EDN3: variants seen among roughly 807,000 people sequenced by gnomAD.
EDN3 encodes endothelin 3.
EDN3 carries 9 observed loss-of-function variants against 21.4 expected under a neutral mutation model. That is an observed-to-expected ratio of 0.42 (90% CI 0.25 to 0.73). The LOEUF (loss-of-function observed/expected upper bound fraction) is 0.73, where lower values mean the gene tolerates loss of function less well. Ranked by LOEUF, EDN3 falls within the 30% of genes least tolerant of loss-of-function variation. The pLI is 0.26. For missense variants in EDN3, 327 were observed against 309.4 expected, an observed-to-expected ratio of 1.06 and a Z score of -0.43; for synonymous variants, 133 against 126.2, an observed-to-expected ratio of 1.05 and a Z score of -0.36.
Position 59,301,618 on chromosome 20 carries a change from G to T in EDN3, c.261G>T (p.Gly87=). 6.2e-7 allele frequency: 1 copy of T among 1,614,100 alleles called. No homozygotes were observed. Among genetic ancestry groups the T allele is most frequent in the South Asian group, 1.1e-5 (1 of 91,072 alleles). Residue 87 remains glycine (G), a synonymous_variant, in exon 2 of 5, where the codon GGG becomes GGT. Transcript: ENST00000337938. ...CTGGGCAGGAGCAGGCGGCCGAGGG[G>T]GCCCCTGAGCACCACCGATCCAGGC... ...GSPGQEQAAE[G]APEHHRSRRC... is the part of the protein sequence containing the mutation.
chr20:59,316,369 A>G (rs1297629165), intron 2 of EDN3, among the ~76,000 whole-genome samples: 3 of 152,192 alleles, frequency 2.0e-5, no homozygotes, highest in Non-Finnish European at 4.4e-5. Flanking sequence ...GTTGGCAAAT[A>G]TTTGTTGAAT....
At chr20:59,319,742 AG>A (rs1990408397) in intron 2 of EDN3, among the ~76,000 whole-genome samples, 1 of 150,810 alleles carries the variant, frequency 6.6e-6, no homozygotes, top group African/African-American at 2.5e-5. Context: ...AAAAAAAAAA[AG>A]AAAAAAAAGA....
Position 59,305,604 on chromosome 20 carries a change from G to GAT in EDN3, c.365+3891_365+3892dup. Among the ~76,000 whole-genome samples the GAT allele has an allele frequency of 6.6e-6, 1 of 152,308 alleles. No individual in the cohort carries two copies. The highest frequency in any genetic ancestry group is 2.4e-5 in the African/African-American group (1 of 41,562). ...AAGTTATGGGCAATGTCCCTCCAGA[G>GAT]ATATATATATGGAGAGAGACAAAGA... On this transcript the variant is annotated intron_variant, in intron 2 of 4. Transcript: ENST00000337938. This position sits in a 1 kb window ranked among gnomAD's most constrained non-coding sequence, Gnocchi z 4.2.
chr20:59,301,682 T>A lies in EDN3; in HGVS notation c.325T>A (p.Tyr109Asn), dbSNP rs1163371709. The A allele has an allele frequency of 6.2e-7, 1 of 1,614,208 alleles. No homozygotes were observed. Residue 109 changes from tyrosine to asparagine, a missense_variant, in exon 2 of 5, where the codon TAC becomes AAC. Tyr to Asn is a moderately radical substitution (Grantham distance 143). Coordinates refer to ENST00000337938, the MANE Select transcript of EDN3 (RefSeq NM_207034.3). ...CACCTACAAGGACAAGGAGTGTGTC[T>A]ACTATTGCCACCTGGACATCATTTG... Reference protein sequence around the residue: ...CFTYKDKECVYYCHLDIIWIN... With the variant: ...CFTYKDKECVNYCHLDIIWIN...
chr20:59,316,299 T>G (rs1255767327), intron 2 of EDN3, among the ~76,000 whole-genome samples: 3 of 152,236 alleles, frequency 2.0e-5, no homozygotes, highest in African/African-American at 7.2e-5. Flanking sequence ...CCCCGCCCCT[T>G]GTCTGTCTTT....
At chr20:59,307,662 C>T (rs1349912541) in intron 2 of EDN3, among the ~76,000 whole-genome samples, 2 of 152,118 alleles carry the variant, frequency 1.3e-5, no homozygotes, top group Admixed American at 6.5e-5. Flanking sequence ...GGTTCCCCAT[C>T]CGTGACTGAT....
rs1443642795 is a variant in EDN3 at position 59,300,697 on chromosome 20, C to A, written c.-116C>A. 1 of 1,052,146 alleles carries A rather than the reference C, an allele frequency of 9.5e-7. No homozygotes were observed. Among genetic ancestry groups the A allele is most frequent in the Non-Finnish European group, 1.4e-6 (1 of 722,090 alleles). 65.2% of individuals were successfully genotyped at this position (1,052,146 alleles called of 1,614,324 possible). A position where few individuals can be genotyped will look rare whatever the true frequency, so the allele number is the denominator to read the frequency against. ...GCTGGAGACGCAGCGAGCGATCGGC[C>A]GGCCTCGAACCCCCACAGCTGGAGG... On this transcript the variant is annotated 5_prime_UTR_variant, in exon 1 of 5. Coordinates refer to ENST00000337938, the MANE Select transcript of EDN3 (RefSeq NM_207034.3).
At chr20:59,320,670 C>T (rs180950264) in intron 2 of EDN3, among the ~76,000 whole-genome samples, 1 of 152,220 alleles carries the variant, frequency 6.6e-6, no homozygotes, top group Non-Finnish European at 1.5e-5. Flanking sequence ...GCGTTCAGGC[C>T]ACACCTGCAG....
In EDN3 at chr20:59,324,820, A is replaced by C; in HGVS notation, c.*361A>C. ...CCAAGCTAACTCTTTGCAAATGTAA[A>C]CACATGTCCATCTTGTAATAAATGC... On this transcript the variant is annotated 3_prime_UTR_variant, in exon 5 of 5. Transcript: ENST00000337938. 1 of 353,258 alleles carries C rather than the reference A, an allele frequency of 2.8e-6. No homozygotes were observed. Among genetic ancestry groups the C allele is most frequent in the Non-Finnish European group, 5.4e-6 (1 of 183,500 alleles). The allele number at this position is 353,258 out of a possible 1,614,324, so 21.9% of individuals were successfully genotyped here.
intron 3 of EDN3, 55 bp downstream of exon 3, chr20:59,321,248 A>C: frequency 6.3e-7 from 1 of 1,583,650 alleles, no homozygotes; most frequent in Non-Finnish European, 8.7e-7. Context: ...ACCCTCGGCA[A>C]GGCCAGGCCA....
chr20:59,324,244 C>G (rs764339954), intron 4 of EDN3, 87 bp from the exon 5 acceptor site: 2 of 1,553,470 alleles, frequency 1.3e-6, no homozygotes, highest in South Asian at 1.1e-5. Flanking sequence ...GGAAGACGTT[C>G]CCTTTTTCAG....
chr20:59,321,313 G>A (rs530760723), intron 3 of EDN3, 120 bp downstream of exon 3: 25 of 1,201,604 alleles, frequency 2.1e-5, no homozygotes, highest in South Asian at 1.6e-4. Context: ...ACCTACTGTC[G>A]TCCTGTGGGC....
rs1250107933 is a variant in EDN3 at position 59,322,731 on chromosome 20, T to C, written c.588+314T>C. ...TGTCCTGCCTGGATTTCACCTGGCC[T>C]GGACAAAGCTAGTCAACCACCGCTC... On this transcript the variant is annotated intron_variant, in intron 4 of 4. Coordinates refer to ENST00000337938, the MANE Select transcript of EDN3 (RefSeq NM_207034.3). The surrounding 1 kb of genome is among the most constrained non-coding windows in gnomAD (Gnocchi z 4.1). Among the ~76,000 whole-genome samples, 1 of 152,206 alleles carries C rather than the reference T, an allele frequency of 6.6e-6. No homozygotes were observed. Among genetic ancestry groups the C allele is most frequent in the Non-Finnish European group, 1.5e-5 (1 of 68,040 alleles).
At chr20:59,311,494 T>C (rs542958525) in intron 2 of EDN3, among the ~76,000 whole-genome samples, 1 of 152,046 alleles carries the variant, frequency 6.6e-6, no homozygotes, top group Non-Finnish European at 1.5e-5. Flanking sequence ...TCCTAGACCA[T>C]ATAGGGTGAC....
chr20:59,301,087 T>G (rs996143301), intron 1 of EDN3, among the ~76,000 whole-genome samples: 10 of 152,250 alleles, frequency 6.6e-5, no homozygotes, highest in Non-Finnish European at 1.2e-4. Flanking sequence ...GCTGGAGACC[T>G]GCTGCCTGGG....
rs776615620 is a variant in EDN3 at position 59,300,879 on chromosome 20, C to T, written c.52+15C>T. 3.1e-6 allele frequency: 5 copies of T among 1,609,534 alleles called. No homozygotes were observed. Among genetic ancestry groups the T allele is most frequent in the Non-Finnish European group, 4.2e-6 (5 of 1,179,308 alleles). The stretch of plus-strand genomic sequence containing the variant: ...CTCCGCCGCAGGTAAGCGCACGGGG[C>T]GGCGCGCCTCTCCTGGCGCGAGCGC... On this transcript the variant is annotated intron_variant, in intron 1 of 4. Transcript: ENST00000337938.
At chr20:59,310,960 AC>A (rs909052013) in intron 2 of EDN3, among the ~76,000 whole-genome samples, 3 of 151,874 alleles carry the variant, frequency 2.0e-5, no homozygotes, top group Non-Finnish European at 4.4e-5. Context: ...TGAGTGAGGC[AC>A]TCCCTCATGT....
Position 59,324,427 on chromosome 20 carries a change from C to T in EDN3, c.685C>T (p.Pro229Ser), listed in dbSNP as rs757559436. 8.7e-6 allele frequency: 14 copies of T among 1,614,044 alleles called. No homozygotes were observed. The Admixed American group carries it at 2.0e-4, about 23-fold the overall frequency. Residue 229 changes from proline to serine, a missense_variant, in exon 5 of 5, where the codon CCC becomes TCC. Transcript: ENST00000337938. The stretch of plus-strand genomic sequence containing the variant: ...ACTCGCCCTCGCTCCATCTACCTGC[C>T]CCCGCTGCCTCTTTCAGGAAGGAGC... ...SGLALAPSTC[P>S]RCLFQEGAP
At chr20:59,317,455 G>A (rs1315250889) in intron 2 of EDN3, among the ~76,000 whole-genome samples, 1 of 152,196 alleles carries the variant, frequency 6.6e-6, no homozygotes, top group East Asian at 1.9e-4. Context: ...TTTCCATGCA[G>A]TATCTCCTTT....
Sources: gnomAD v4.1 joint callset for allele counts (sites outside exome capture counted in the v4.1 genomes callset) on GRCh38, gnomAD v4.1.1 for gene constraint, Gnocchi (gnomAD v3.1) non-coding constraint, MANE v1.5 for transcripts, NCBI Gene and HGNC (gene_info 2026-07-23, HGNC 2026-07-21) for gene names.